NELL1: variants seen among roughly 807,000 people sequenced by gnomAD.
NELL1 encodes the protein neural EGFL like 1.
NELL1 carries 76 observed loss-of-function variants against 107.4 expected under a neutral mutation model. The observed-to-expected ratio is 0.71, with a 90% CI of 0.59 to 0.86. The LOEUF (loss-of-function observed/expected upper bound fraction) is 0.86, where lower values mean the gene tolerates loss of function less well. Ranked by LOEUF, NELL1 falls within the 40% of genes least tolerant of loss-of-function variation. NELL1 has a pLI of 0.00. For missense variants in NELL1, 1,024 were observed against 1,005.5 expected (o/e 1.02, Z -0.25); for synonymous variants, 353 against 341.2 (o/e 1.03, Z -0.38).
At chr11:20,887,180 A>G (rs938976486) in intron 5 of NELL1, among the ~76,000 whole-genome samples, 1 of 152,138 alleles carries the variant, frequency 6.6e-6, no homozygotes. Flanking sequence ...ATTGTTTTCT[A>G]TTGCTGAGTA....
At chr11:20,721,798 G>A (rs1519719) in intron 2 of NELL1, among the ~76,000 whole-genome samples, 107,695 of 152,008 alleles carry the variant, frequency 0.71, 41,286 homozygotes, top group East Asian at 0.95. Flanking sequence ...TAAAGAGAAG[G>A]ACTTTGGCTT....
chr11:20,984,549 C>G (rs1398184394), intron 12 of NELL1, among the ~76,000 whole-genome samples: 4 of 152,168 alleles, frequency 2.6e-5, no homozygotes, highest in Non-Finnish European at 5.9e-5. Flanking sequence ...CTTCCAATCC[C>G]CACTTAGAAT....
At chr11:21,387,081 T>A (rs1851763564) in intron 15 of NELL1, among the ~76,000 whole-genome samples, 1 of 151,864 alleles carries the variant, frequency 6.6e-6, no homozygotes, top group Middle Eastern at 3.2e-3. Flanking sequence ...TTTAAACATA[T>A]CAGCAATACC....
chr11:21,457,920 G>T (rs961563693), intron 15 of NELL1, among the ~76,000 whole-genome samples: 1 of 152,168 alleles, frequency 6.6e-6, no homozygotes, highest in Admixed American at 6.5e-5. Flanking sequence ...TGTGGAAAAT[G>T]ACAAGAAGAA....
chr11:21,141,535 A>G (rs1448914282), intron 13 of NELL1, among the ~76,000 whole-genome samples: 1 of 152,152 alleles, frequency 6.6e-6, no homozygotes, highest in Non-Finnish European at 1.5e-5. Flanking sequence ...GATGTGGTCA[A>G]GATAAATTAT....
intron 15 of NELL1, among the ~76,000 whole-genome samples, chr11:21,407,889 C>T (rs1852273845): frequency 6.6e-6 from 1 of 151,790 alleles, no homozygotes; most frequent in African/African-American, 2.4e-5. Context: ...TCTCTATGGT[C>T]CATTTCAAAT....
At chr11:20,827,524 C>G (rs762570725) in intron 3 of NELL1, among the ~76,000 whole-genome samples, 13 of 151,244 alleles carry the variant, frequency 8.6e-5, no homozygotes, top group Non-Finnish European at 1.5e-4. Flanking sequence ...ACTCTGTCCA[C>G]TTCGTCATTC....
chr11:21,328,486 C>T (rs981197166), intron 14 of NELL1, among the ~76,000 whole-genome samples: 3 of 152,114 alleles, frequency 2.0e-5, no homozygotes, highest in Admixed American at 6.6e-5. Flanking sequence ...GAGAACCTCT[C>T]CTATGGCAGT....
chr11:21,572,270 C>T (rs1429062033), intron 18 of NELL1, among the ~76,000 whole-genome samples: 2 of 151,694 alleles, frequency 1.3e-5, no homozygotes. Flanking sequence ...CATCCTAGCC[C>T]CTAAGATGAA....
intron 5 of NELL1, among the ~76,000 whole-genome samples, chr11:20,907,789 A>G (rs1850035907): frequency 1.3e-5 from 2 of 152,204 alleles, no homozygotes; most frequent in Admixed American, 1.3e-4. Context: ...ACAGAGTGGG[A>G]GAAAATTTTT....
intron 13 of NELL1, among the ~76,000 whole-genome samples, chr11:21,212,722 A>C (rs1380771258): frequency 6.6e-6 from 1 of 152,206 alleles, no homozygotes; most frequent in Non-Finnish European, 1.5e-5. Flanking sequence ...TCCACCCAGC[A>C]TTGACAAGGT....
At chr11:21,034,798 A>C (rs7938860) in intron 12 of NELL1, among the ~76,000 whole-genome samples, 12,072 of 152,134 alleles carry the variant, frequency 0.079, 1,572 homozygotes, top group African/African-American at 0.27. Flanking sequence ...AGCTAGAAAG[A>C]TCTCAAGTTA....
At chr11:20,926,789 C>T (rs1049559682) in intron 7 of NELL1, among the ~76,000 whole-genome samples, 3 of 152,094 alleles carry the variant, frequency 2.0e-5, no homozygotes, top group East Asian at 1.9e-4. Flanking sequence ...TTGGGGGATC[C>T]GCTTACGACT....
intron 8 of NELL1, 50 bp from the exon 9 acceptor site, chr11:20,928,327 G>A (rs1230902232): frequency 4.7e-6 from 7 of 1,479,948 alleles, no homozygotes; most frequent in Non-Finnish European, 6.6e-6. Context: ...CACAACAGGA[G>A]CTATCAAAGG....
At chr11:21,244,605 TC>T (rs1361653255) in intron 14 of NELL1, among the ~76,000 whole-genome samples, 2 of 152,194 alleles carry the variant, frequency 1.3e-5, no homozygotes, top group East Asian at 3.8e-4. Context: ...TGGACTCAAA[TC>T]CCAACTCTGG....
In NELL1 at chr11:20,927,397, A is replaced by G. The variant is rs1445483964; in HGVS notation, c.849A>G (p.Gln283=). 1 of 1,613,216 alleles carries G rather than the reference A, an allele frequency of 6.2e-7. No individual in the cohort carries two copies. Among genetic ancestry groups the G allele is most frequent in the Non-Finnish European group, 8.5e-7 (1 of 1,179,732 alleles). ...CQVSGLLYRD[Q]DSWVDGDHCR... Reference sequence around the variant, plus strand: ...TGAGTGGACTGCTCTATCGAGATCAAGACTCTTGGGTAGATGGTGACCATT... The same window carrying G: ...TGAGTGGACTGCTCTATCGAGATCAGGACTCTTGGGTAGATGGTGACCATT... Residue 283 remains glutamine (Q), a synonymous_variant, in exon 8 of 20, where the codon CAA becomes CAG. Coordinates refer to ENST00000357134, the MANE Select transcript of NELL1 (RefSeq NM_006157.5).
chr11:20,752,501 A>T (rs889765088), intron 2 of NELL1, among the ~76,000 whole-genome samples: 3 of 152,224 alleles, frequency 2.0e-5, no homozygotes, highest in African/African-American at 7.2e-5. Flanking sequence ...GTGAGCCAGG[A>T]TCGCACCATT....
intron 12 of NELL1, among the ~76,000 whole-genome samples, chr11:21,023,296 T>C (rs1852743132): frequency 6.6e-6 from 1 of 152,044 alleles, no homozygotes; most frequent in Non-Finnish European, 1.5e-5. Flanking sequence ...AAATGAAGAA[T>C]TGTGACTAAG....
chr11:21,454,226 A>G (rs898214754), intron 15 of NELL1, among the ~76,000 whole-genome samples: 52 of 148,818 alleles, frequency 3.5e-4, no homozygotes, highest in African/African-American at 1.2e-3. Flanking sequence ...ATGATTTCCA[A>G]TTTCATCCAT....
Sources: allele counts gnomAD v4.1 joint callset (sites outside exome capture counted in the v4.1 genomes callset), GRCh38; gene constraint gnomAD v4.1.1; transcripts MANE v1.5; gene names NCBI Gene and HGNC (gene_info 2026-07-23, HGNC 2026-07-21).